Variants in ZNF611 observed in about 807,000 individuals in gnomAD.
The protein encoded by ZNF611 is zinc finger protein 611.
A neutral mutation model predicts 8.9 loss-of-function variants in ZNF611; 6 were observed. That is an observed-to-expected ratio of 0.68 (90% CI 0.37 to 1.34). ZNF611 has a LOEUF of 1.34. Ranked by LOEUF, ZNF611 falls within the 40% of genes most tolerant of loss-of-function variation. The pLI is 0.02. For synonymous variants in ZNF611, 262 were observed against 279.7 expected (o/e 0.94, Z 0.63); for missense variants, 874 against 841.3 (o/e 1.04, Z -0.48).
At chr19:52,727,057 G>T (rs1305945465) in intron 3 of ZNF611, among the ~76,000 whole-genome samples, 1 of 151,836 alleles carries the variant, frequency 6.6e-6, no homozygotes, top group Non-Finnish European at 1.5e-5. Context: ...GTAGAGATGG[G>T]GTTTCACCAT....
intron 3 of ZNF611, among the ~76,000 whole-genome samples, chr19:52,718,241 G>A (rs1469472381): frequency 1.3e-5 from 2 of 152,176 alleles, no homozygotes; most frequent in Non-Finnish European, 2.9e-5. Context: ...TCTGGAGGCT[G>A]AGGCAGGAGA....
chr19:52,730,874 G>A (rs1241146352), intron 1 of ZNF611, among the ~76,000 whole-genome samples: 1 of 151,998 alleles, frequency 6.6e-6, no homozygotes, highest in Non-Finnish European at 1.5e-5. Context: ...GTGAGCCCCC[G>A]CACACAGCCA....
At chr19:52,716,969 G>A (rs540869303) in intron 3 of ZNF611, among the ~76,000 whole-genome samples, 1 of 152,018 alleles carries the variant, frequency 6.6e-6, no homozygotes, top group African/African-American at 2.4e-5. Flanking sequence ...GGAGGCAGAG[G>A]TTGCAGTGAG....
chr19:52,733,927 C>A (rs1377186118), intron 1 of ZNF611, among the ~76,000 whole-genome samples: 1 of 148,760 alleles, frequency 6.7e-6, no homozygotes, highest in African/African-American at 2.5e-5. Flanking sequence ...CCATCTTCCC[C>A]GATATACTCC....
At chr19:52,713,965 C>A (rs1243097962) in intron 5 of ZNF611, 50 bp downstream of exon 5, 1 of 1,607,742 alleles carries the variant, frequency 6.2e-7, no homozygotes, top group South Asian at 1.1e-5. Context: ...CAGGATGAGC[C>A]AAGATAGACA....
Position 52,705,601 on chromosome 19 carries a change from T to A in ZNF611, c.1454A>T (p.Asn485Ile), listed in dbSNP as rs2062235868. The A allele has an allele frequency of 6.2e-7, 1 of 1,614,028 alleles. No individual in the cohort carries two copies. Among genetic ancestry groups the A allele is most frequent in the Non-Finnish European group, 8.5e-7 (1 of 1,180,026 alleles). ...IDCGEKPYKC[N>I]ECGKTFGQNS... ...TTGACCAAAGGTCTTCCCACATTCA[T>A]TACACTTGTAAGGTTTTTCTCCACA... The change falls in exon 6 of 6, where the codon AAT (asparagine) becomes ATT (isoleucine). Residue 485 changes from asparagine (N) to isoleucine (I), a missense_variant. Coordinates refer to ENST00000652185, the MANE Select transcript of ZNF611 (RefSeq NM_001161499.2).
chr19:52,705,145 A>C lies in ZNF611; in HGVS notation c.1910T>G (p.Leu637Arg), dbSNP rs2062230988. 1 of 1,614,156 alleles carries C rather than the reference A, an allele frequency of 6.2e-7. No individual in the cohort carries two copies. The highest frequency in any genetic ancestry group is 2.2e-5 in the East Asian group (1 of 44,868). The part of the protein sequence containing the change: ...CGNTFRHCSS[L>R]IYHRRLHTGE... ...AGTATGAAGTCTACGATGGTATATA[A>C]GGGATGAGCAGTGACGGAAGGTATT... The change falls in exon 6 of 6, where the codon CTT becomes CGT. Residue 637 changes from leucine to arginine, a missense_variant. By Grantham distance (102) the Leu-to-Arg change is moderately radical. Transcript: ENST00000652185.
At chr19:52,711,605 A>G (rs183666485) in intron 5 of ZNF611, among the ~76,000 whole-genome samples, 5,234 of 151,702 alleles carry the variant, frequency 0.035, 288 homozygotes, top group African/African-American at 0.12. Context: ...GGATACAAGG[A>G]CTGAGCTGGG....
chr19:52,709,042 T>G (rs568804391), intron 5 of ZNF611, among the ~76,000 whole-genome samples: 1 of 152,124 alleles, frequency 6.6e-6, no homozygotes, highest in Non-Finnish European at 1.5e-5. Context: ...AGAGAAAACA[T>G]TGTATAAAAC....
In ZNF611 at chr19:52,703,171, AAAATAAAT is replaced by A. The variant is rs59690426; in HGVS notation, c.*1758_*1765del. On this transcript the variant is annotated 3_prime_UTR_variant, in exon 6 of 6. Transcript: ENST00000652185. ...TAGATTTATCTCAAACTCAAACTGC[AAAATAAAT>A]AAATAAATAAATAAAAAATAAAGAG... The A allele has an allele frequency of 6.6e-6, 1 of 151,448 alleles. No homozygotes were observed. The allele number at this position is 151,448 out of a possible 1,614,324, so 9.4% of individuals were successfully genotyped here. A position where few individuals can be genotyped will look rare whatever the true frequency, so the allele number is the denominator to read the frequency against.
chr19:52,704,529 C>T lies in ZNF611; in HGVS notation c.*408G>A. Reference sequence around the variant, plus strand: ...CACAGTCATGACATTTGTAAGGTTTCTCTCCAGTATGAGTTCACCGATGAC... The same window carrying T: ...CACAGTCATGACATTTGTAAGGTTTTTCTCCAGTATGAGTTCACCGATGAC... On this transcript the variant is annotated 3_prime_UTR_variant, in exon 6 of 6. Transcript: ENST00000652185. 1.7e-6 allele frequency: 2 copies of T among 1,187,994 alleles called. No homozygotes were observed. Among genetic ancestry groups the T allele is most frequent in the Non-Finnish European group, 2.5e-6 (2 of 808,260 alleles). The allele number at this position is 1,187,994 out of a possible 1,614,324, so 73.6% of individuals were successfully genotyped here. A position where few individuals can be genotyped will look rare whatever the true frequency, so the allele number is the denominator to read the frequency against.
intron 3 of ZNF611, among the ~76,000 whole-genome samples, chr19:52,721,664 G>A (rs576244608): frequency 3.3e-5 from 5 of 151,550 alleles, no homozygotes; most frequent in Admixed American, 6.6e-5. Context: ...GGAGACCGTG[G>A]AAAGTGAGAG....
chr19:52,726,076 T>C (rs113868381), intron 3 of ZNF611, among the ~76,000 whole-genome samples: 5,664 of 152,292 alleles, frequency 0.037, 304 homozygotes, highest in African/African-American at 0.12. Context: ...TTCATGCTGA[T>C]GGCCCACAGA....
chr19:52,715,852 G>C lies in ZNF611; in HGVS notation c.43C>G (p.Pro15Ala), dbSNP rs139650694. Residue 15 changes from proline to alanine, a missense_variant, in exon 4 of 6, where the codon CCA becomes GCA. Physicochemically the swap from Pro to Ala is conservative, Grantham distance 27. Transcript: ENST00000652185. ...TTCACCTGAGGAAGAGCCATGCCTG[G>C]CTCCTTTCCTTTCCTCTTCTGAGCT... Reference protein sequence around the residue: ...EAAQKRKGKEPGMALPQGRLT... With the variant: ...EAAQKRKGKEAGMALPQGRLT... The C allele has an allele frequency of 1.8e-4, 298 of 1,612,860 alleles. 2 individuals are homozygous for C. The African/African-American group carries it at 3.3e-3, about 18-fold the overall frequency.
intron 5 of ZNF611, among the ~76,000 whole-genome samples, chr19:52,713,532 G>GA (rs2062294107): frequency 6.6e-6 from 1 of 152,160 alleles, no homozygotes; most frequent in Non-Finnish European, 1.5e-5. Flanking sequence ...TAGAGAAGAT[G>GA]ATCATTAGTT....
chr19:52,732,258 A>G (rs1349517200), intron 1 of ZNF611, among the ~76,000 whole-genome samples: 2 of 152,100 alleles, frequency 1.3e-5, no homozygotes, highest in Non-Finnish European at 2.9e-5. Flanking sequence ...TGACAGAGCA[A>G]AACTCCATCT....
At chr19:52,726,078 G>A (rs979078740) in intron 3 of ZNF611, among the ~76,000 whole-genome samples, 5 of 152,192 alleles carry the variant, frequency 3.3e-5, no homozygotes, top group African/African-American at 1.2e-4. Flanking sequence ...CATGCTGATG[G>A]CCCACAGAAC....
In ZNF611 at chr19:52,706,791, C is replaced by A; in HGVS notation, c.264G>T (p.Gly88=). The change falls in exon 6 of 6, where the codon GGG becomes GGT. Residue 88 remains glycine, a synonymous_variant. Transcript: ENST00000652185. ...GQGNTEVIHT[G]TLQRHESHHI... Reference sequence around the variant, plus strand: ...GATGACTTTCATGTCTTTGCAATGTCCCTGTGTGGATCACTTCTGTATTGC... The same window carrying A: ...GATGACTTTCATGTCTTTGCAATGTACCTGTGTGGATCACTTCTGTATTGC... 1 of 1,613,930 alleles carries A rather than the reference C, an allele frequency of 6.2e-7. No homozygotes were observed. Among genetic ancestry groups the A allele is most frequent in the Non-Finnish European group, 8.5e-7 (1 of 1,179,940 alleles).
chr19:52,734,749 C>G (rs527925442), intron 1 of ZNF611, among the ~76,000 whole-genome samples: 1 of 151,824 alleles, frequency 6.6e-6, no homozygotes, highest in South Asian at 2.1e-4. Context: ...ACAAGGTTTT[C>G]AGCAGGAAAA....
Sources: gnomAD v4.1 joint callset for allele counts (sites outside exome capture counted in the v4.1 genomes callset) on GRCh38, gnomAD v4.1.1 for gene constraint, MANE v1.5 for transcripts, NCBI Gene and HGNC (gene_info 2026-07-23, HGNC 2026-07-21) for gene names.